The following CA10 variants were observed in gnomAD, a reference collection of about 807,000 sequenced individuals.
CA10 encodes the protein carbonic anhydrase 10 (inactive), also known as carbonic anhydrase-related protein 10.
CA10 carries 14 observed loss-of-function variants against 44.2 expected under a neutral mutation model. The observed-to-expected ratio is 0.32, with a 90% CI of 0.21 to 0.50. The LOEUF is 0.50. Ranked by LOEUF, CA10 falls within the 20% of genes least tolerant of loss-of-function variation. CA10 has a pLI of 0.99. For synonymous variants in CA10, 159 were observed against 141.6 expected, an observed-to-expected ratio of 1.12 and a Z score of -0.87; for missense variants, 350 against 409.7, an observed-to-expected ratio of 0.85 and a Z score of 1.26.
chr17:51,841,988 T>G (rs982565637), intron 3 of CA10, among the ~76,000 whole-genome samples: 1 of 152,222 alleles, frequency 6.6e-6, no homozygotes, highest in African/African-American at 2.4e-5. Context: ...CCATAAATGC[T>G]CTGACACTTT....
intron 2 of CA10, among the ~76,000 whole-genome samples, chr17:51,980,914 A>C (rs1194164367): frequency 6.6e-6 from 1 of 152,146 alleles, no homozygotes; most frequent in Admixed American, 6.6e-5. Context: ...GACAACATGC[A>C]CGTGAAAAAC....
chr17:52,029,778 A>T (rs567709831), intron 2 of CA10, among the ~76,000 whole-genome samples: 3 of 152,302 alleles, frequency 2.0e-5, no homozygotes, highest in Non-Finnish European at 4.4e-5. Flanking sequence ...TTGAACCTTG[A>T]CCACAAATAT....
chr17:51,793,338 T>C (rs1203806705), intron 3 of CA10, among the ~76,000 whole-genome samples: 2 of 152,128 alleles, frequency 1.3e-5, no homozygotes, highest in East Asian at 1.9e-4. Flanking sequence ...AACCATGTGG[T>C]TGCAGTTTCA....
intron 4 of CA10, among the ~76,000 whole-genome samples, chr17:51,674,880 G>A (rs1411831950): frequency 6.6e-6 from 1 of 152,182 alleles, no homozygotes; most frequent in East Asian, 1.9e-4. Flanking sequence ...CTTTGTGCGT[G>A]TATTGTGATA....
At chr17:51,989,737 G>A (rs1290258702) in intron 2 of CA10, among the ~76,000 whole-genome samples, 1 of 152,072 alleles carries the variant, frequency 6.6e-6, no homozygotes, top group Non-Finnish European at 1.5e-5. Context: ...AAATGATACT[G>A]TTGCAGCTCG....
chr17:51,982,990 GATT>G (rs1405564988), intron 2 of CA10, among the ~76,000 whole-genome samples: 5 of 151,718 alleles, frequency 3.3e-5, no homozygotes, highest in East Asian at 3.9e-4. Flanking sequence ...TTATGTTTTA[GATT>G]ATTTTTTCTC....
At chr17:52,023,638 T>C (rs1473600504) in intron 2 of CA10, among the ~76,000 whole-genome samples, 2 of 151,606 alleles carry the variant, frequency 1.3e-5, no homozygotes, top group Non-Finnish European at 2.9e-5. Context: ...ATTCAACTAA[T>C]GAGTTTCTGC....
Position 51,841,751 on chromosome 17 carries a change from C to T in CA10, c.279+89239G>A, listed in dbSNP as rs539717969. 3.9e-5 allele frequency among the ~76,000 whole-genome samples: 6 copies of T among 152,320 alleles called. No homozygotes were observed. In the East Asian group the frequency reaches 1.2e-3, roughly 29 times the overall value. ...GAGCAGAAAACCTGGACTTAACCAGCTTAAATTTATGATTTATTGTCTCCC... is the reference window on the plus strand; with the variant it reads ...GAGCAGAAAACCTGGACTTAACCAGTTTAAATTTATGATTTATTGTCTCCC... On this transcript the variant is annotated intron_variant, in intron 3 of 8. Coordinates refer to ENST00000451037, the MANE Select transcript of CA10 (RefSeq NM_020178.5).
At chr17:51,636,109 T>G (rs1912816732) in intron 6 of CA10, 100 bp from the exon 7 acceptor site, 1 of 599,246 alleles carries the variant, frequency 1.7e-6, no homozygotes, top group Admixed American at 2.9e-5. Flanking sequence ...TACATATACA[T>G]ACATATATAC....
intron 2 of CA10, among the ~76,000 whole-genome samples, chr17:52,004,558 T>TA (rs1248332564): frequency 6.6e-6 from 1 of 151,984 alleles, no homozygotes; most frequent in African/African-American, 2.4e-5. Flanking sequence ...ACAGCCATTC[T>TA]ACGCCTTAGA....
At chr17:51,987,498 A>C (rs1984883781) in intron 2 of CA10, among the ~76,000 whole-genome samples, 1 of 151,974 alleles carries the variant, frequency 6.6e-6, no homozygotes, top group African/African-American at 2.4e-5. Context: ...GTAAGCAAAC[A>C]CCACCTGTTC....
chr17:51,641,830 G>A (rs188538288), intron 6 of CA10, among the ~76,000 whole-genome samples: 1 of 152,074 alleles, frequency 6.6e-6, no homozygotes, highest in East Asian at 1.9e-4. Context: ...TCTGTTAAAT[G>A]CATTGTGCTT....
Position 51,878,895 on chromosome 17 carries a change from T to G in CA10, c.279+52095A>C, listed in dbSNP as rs534859491. The stretch of plus-strand genomic sequence containing the variant: ...ATATATATATATATATATATATGGG[T>G]GTGTGTGTGTGTGTGTGTATGTGTG... On this transcript the variant is annotated intron_variant, in intron 3 of 8. Coordinates refer to ENST00000451037, the MANE Select transcript of CA10 (RefSeq NM_020178.5). Among the ~76,000 whole-genome samples, 56 of 118,968 alleles carry G rather than the reference T, an allele frequency of 4.7e-4. 2 individuals are homozygous for G. Among genetic ancestry groups the G allele is most frequent in the African/African-American group, 8.7e-4 (27 of 30,886 alleles). 78.0% of individuals were successfully genotyped at this position (118,968 alleles called of 152,430 possible).
intron 4 of CA10, among the ~76,000 whole-genome samples, chr17:51,728,554 G>C (rs993161883): frequency 6.6e-6 from 1 of 152,090 alleles, no homozygotes; most frequent in Non-Finnish European, 1.5e-5. Flanking sequence ...GTTTATGTTT[G>C]TCTGATGCTC....
intron 2 of CA10, among the ~76,000 whole-genome samples, chr17:51,945,465 C>T (rs1983238294): frequency 6.6e-6 from 1 of 152,108 alleles, no homozygotes; most frequent in Non-Finnish European, 1.5e-5. Flanking sequence ...TCAACACGGA[C>T]TCGTTCTGGG....
intron 3 of CA10, among the ~76,000 whole-genome samples, chr17:51,897,898 T>A (rs912811364): frequency 6.6e-6 from 1 of 152,156 alleles, no homozygotes; most frequent in African/African-American, 2.4e-5. Flanking sequence ...ATGCTATTGA[T>A]TTTTGTACAT....
chr17:52,094,977 C>CA (rs1163135420), intron 1 of CA10, among the ~76,000 whole-genome samples: 2 of 152,040 alleles, frequency 1.3e-5, no homozygotes, highest in Non-Finnish European at 2.9e-5. Flanking sequence ...GGTATAGATG[C>CA]AAAAAATATT....
At chr17:51,982,434 G>T (rs888750036) in intron 2 of CA10, among the ~76,000 whole-genome samples, 10 of 151,912 alleles carry the variant, frequency 6.6e-5, no homozygotes, top group African/African-American at 1.2e-4. Context: ...TTGTGTCTAT[G>T]AGTTAAAGGT....
chr17:51,952,367 C>T (rs556948583), intron 2 of CA10, among the ~76,000 whole-genome samples: 4 of 152,022 alleles, frequency 2.6e-5, no homozygotes, highest in African/African-American at 2.4e-5. Flanking sequence ...TCTGAGGTAC[C>T]GGGGGTTAGG....
Sources: allele counts gnomAD v4.1 joint callset (sites outside exome capture counted in the v4.1 genomes callset), GRCh38; gene constraint gnomAD v4.1.1; transcripts MANE v1.5; gene names NCBI Gene and HGNC (gene_info 2026-07-23, HGNC 2026-07-21).